TRHDE: variants seen among roughly 807,000 people sequenced by gnomAD.
TRHDE encodes thyrotropin releasing hormone degrading enzyme, also known as thyrotropin-releasing hormone-degrading ectoenzyme.
Under a neutral mutation model 125.7 loss-of-function variants are expected in TRHDE, and 72 were observed. The observed-to-expected ratio is 0.57, with a 90% confidence interval of 0.47 to 0.70. The LOEUF (loss-of-function observed/expected upper bound fraction) is 0.70, where lower values mean the gene tolerates loss of function less well. Ranked by LOEUF, TRHDE falls within the 30% of genes least tolerant of loss-of-function variation. The pLI, the probability that TRHDE is intolerant of heterozygous loss-of-function variation, is 0.00. For synonymous variants in TRHDE, 509 were observed against 509.1 expected (o/e 1.00, Z 0.00); for missense variants, 1,110 against 1,327.1 (o/e 0.84, Z 2.54).
intron 6 of TRHDE, among the ~76,000 whole-genome samples, chr12:72,537,319 G>A (rs1365130274): frequency 6.6e-6 from 1 of 151,942 alleles, no homozygotes; most frequent in African/African-American, 2.4e-5. Context: ...TGTCAAGGGA[G>A]GGGACCTGTA....
At chr12:72,230,014 G>C (rs1878215960) in intron 2 of TRHDE, among the ~76,000 whole-genome samples, 1 of 152,112 alleles carries the variant, frequency 6.6e-6, no homozygotes, top group African/African-American at 2.4e-5. Context: ...TCAGTCTCTA[G>C]ATGTGCTAGC....
At chr12:72,593,393 T>A (rs186866211) in intron 12 of TRHDE, among the ~76,000 whole-genome samples, 4 of 152,324 alleles carry the variant, frequency 2.6e-5, no homozygotes, top group Non-Finnish European at 5.9e-5. Context: ...AAAGATCATG[T>A]TCTTTTATTG....
intron 2 of TRHDE, among the ~76,000 whole-genome samples, chr12:72,235,924 G>A (rs1312842339): frequency 6.6e-6 from 1 of 152,192 alleles, no homozygotes; most frequent in Non-Finnish European, 1.5e-5. Flanking sequence ...CAAATGGGAA[G>A]TTTTGAAGTG....
At chr12:72,117,039 G>A (rs976263086) in intron 2 of TRHDE, among the ~76,000 whole-genome samples, 3 of 151,956 alleles carry the variant, frequency 2.0e-5, no homozygotes, top group Non-Finnish European at 4.4e-5. Context: ...CCATTCTGTG[G>A]GTTGTCTCTT....
chr12:72,443,566 A>G (rs1429038039), intron 3 of TRHDE, among the ~76,000 whole-genome samples: 1 of 151,802 alleles, frequency 6.6e-6, no homozygotes, highest in East Asian at 1.9e-4. Flanking sequence ...AAAAATAAGG[A>G]AAACTTTTAG....
chr12:72,551,771 T>A (rs1370928177), intron 7 of TRHDE, among the ~76,000 whole-genome samples: 1 of 152,058 alleles, frequency 6.6e-6, no homozygotes, highest in Non-Finnish European at 1.5e-5. Context: ...ATAAATATAT[T>A]TTTTTGCTCA....
intron 2 of TRHDE, among the ~76,000 whole-genome samples, chr12:72,305,800 T>G (rs1868332783): frequency 6.6e-6 from 1 of 152,142 alleles, no homozygotes; most frequent in South Asian, 2.1e-4. Context: ...AGGAGATCAT[T>G]TACTGGTTCC....
At chr12:72,435,210 C>A (rs1163381877) in intron 3 of TRHDE, among the ~76,000 whole-genome samples, 2 of 152,170 alleles carry the variant, frequency 1.3e-5, no homozygotes, top group African/African-American at 2.4e-5. Context: ...AGAAATTCTG[C>A]AGATTAAGCA....
chr12:72,637,444 C>CA lies in TRHDE; in HGVS notation c.2676-14872dup, dbSNP rs549985657. On this transcript the variant is annotated intron_variant, in intron 15 of 18. Transcript: ENST00000261180. ...GGTCTATCAATTTTGTTGATCCTTT[C>CA]AAAAAACCAGCTCCTGGATTCATTA... Among the ~76,000 whole-genome samples, 583 of 152,046 alleles carry CA rather than the reference C, an allele frequency of 3.8e-3. 2 individuals are homozygous for CA. The highest frequency in any genetic ancestry group is 0.013 in the African/African-American group (534 of 41,480).
rs183627894 is a variant in TRHDE, at chr12:72,120,841, G to A, written n.279+15089G>A. ...CTACAGGCGTGTGCCACCACGCCCG[G>A]CTAATTTTTTTGTATTTTAGTAGAG... is the stretch of plus-strand genomic sequence containing the variant. On this transcript the variant is annotated intron_variant and non_coding_transcript_variant, in intron 2 of 4. Transcript: ENST00000548156. Among the ~76,000 whole-genome samples, 680 of 151,674 alleles carry A rather than the reference G, an allele frequency of 4.5e-3. 6 individuals carry two copies. Among genetic ancestry groups the A allele is most frequent in the African/African-American group, 0.015 (633 of 41,314 alleles).
chr12:72,105,953 A>G (rs1270424770), intron 2 of TRHDE, among the ~76,000 whole-genome samples: 1 of 152,100 alleles, frequency 6.6e-6, no homozygotes, highest in Non-Finnish European at 1.5e-5. Flanking sequence ...ATATGGCTGG[A>G]AAGTGGTTGA....
chr12:72,473,217 A>G, intron 5 of TRHDE, 37 bp downstream of exon 5: 1 of 1,504,930 alleles, frequency 6.6e-7, no homozygotes, highest in African/African-American at 1.4e-5. Flanking sequence ...TTTTAGTAAA[A>G]GGCCGATCTA....
At chr12:72,468,818 A>G (rs1281634888) in intron 3 of TRHDE, among the ~76,000 whole-genome samples, 1 of 152,188 alleles carries the variant, frequency 6.6e-6, no homozygotes, top group African/African-American at 2.4e-5. Flanking sequence ...ACATGCAATC[A>G]CCACTTTGCA....
chr12:72,159,344 A>C (rs1876587212), intron 2 of TRHDE, among the ~76,000 whole-genome samples: 1 of 152,236 alleles, frequency 6.6e-6, no homozygotes, highest in Non-Finnish European at 1.5e-5. Context: ...GAGGAAGATC[A>C]GGAAAGACTT....
chr12:72,366,678 G>A (rs868529109), intron 2 of TRHDE, among the ~76,000 whole-genome samples: 5 of 152,048 alleles, frequency 3.3e-5, no homozygotes, highest in Middle Eastern at 6.8e-3. Context: ...TACAAAATAA[G>A]GGCCATGGGG....
chr12:72,138,875 G>T lies in TRHDE; in HGVS notation n.279+33123G>T, dbSNP rs1408289905. On this transcript the variant is annotated intron_variant and non_coding_transcript_variant, in intron 2 of 4. Coordinates refer to the TRHDE transcript ENST00000548156. Reference sequence around the variant, plus strand: ...TCAATGGTCCCGAAACAGAGGGAGGGTGTCCTCAACACTTTTATGGTGAAG... The same window carrying T: ...TCAATGGTCCCGAAACAGAGGGAGGTTGTCCTCAACACTTTTATGGTGAAG... Among the ~76,000 whole-genome samples the T allele has an allele frequency of 2.0e-5, 3 of 152,316 alleles. No individual in the cohort carries two copies. In the East Asian group the frequency reaches 5.8e-4, roughly 29 times the overall value.
intron 2 of TRHDE, among the ~76,000 whole-genome samples, chr12:72,142,614 C>T (rs1311229736): frequency 6.6e-6 from 1 of 152,172 alleles, no homozygotes; most frequent in Non-Finnish European, 1.5e-5. Flanking sequence ...ACAGACATTC[C>T]TGTTTTCATG....
intron 2 of TRHDE, among the ~76,000 whole-genome samples, chr12:72,210,304 T>G (rs1041982507): frequency 6.6e-6 from 1 of 152,144 alleles, no homozygotes; most frequent in Non-Finnish European, 1.5e-5. Flanking sequence ...TAACATGGCT[T>G]CTTCTTGACA....
At chr12:72,309,363 G>A (rs544420538) in intron 2 of TRHDE, among the ~76,000 whole-genome samples, 1 of 152,230 alleles carries the variant, frequency 6.6e-6, no homozygotes, top group Admixed American at 6.5e-5. Flanking sequence ...TTTTGCATGT[G>A]TTATGTGCTG....
Sources: allele counts gnomAD v4.1 joint callset (sites outside exome capture counted in the v4.1 genomes callset), GRCh38; gene constraint gnomAD v4.1.1; transcripts MANE v1.5; gene names NCBI Gene and HGNC (gene_info 2026-07-23, HGNC 2026-07-21).